Variants in APBA2 observed in about 807,000 individuals in gnomAD.
APBA2 encodes amyloid-beta A4 precursor protein-binding family A member 2.
In APBA2, 30 loss-of-function variants were observed where a neutral mutation model predicts 75.0. That is an observed-to-expected ratio of 0.40 (90% CI 0.30 to 0.54). The LOEUF (loss-of-function observed/expected upper bound fraction) is 0.54, where lower values mean the gene tolerates loss of function less well. Among genes scored for constraint, APBA2 ranks in the 20% least tolerant of loss-of-function variants. The pLI, the probability that APBA2 is intolerant of heterozygous loss-of-function variation, is 0.49. For missense variants in APBA2, 801 were observed against 1,016.1 expected, an observed-to-expected ratio of 0.79 and a Z score of 2.88; for synonymous variants, 444 against 409.6, an observed-to-expected ratio of 1.08 and a Z score of -1.01.
chr15:29,115,863 G>A (rs1434404346), intron 14 of APBA2, among the ~76,000 whole-genome samples: 1 of 152,156 alleles, frequency 6.6e-6, no homozygotes, highest in East Asian at 1.9e-4. Context: ...GGGCTGCTCA[G>A]CCCAGGGCCC....
At chr15:29,104,399 G>A (rs1286238434) in intron 10 of APBA2, among the ~76,000 whole-genome samples, 2 of 152,348 alleles carry the variant, frequency 1.3e-5, no homozygotes, top group South Asian at 4.1e-4. Context: ...CTGCCAGCCT[G>A]CTTGGCGAGC....
intron 9 of APBA2, among the ~76,000 whole-genome samples, chr15:29,100,642 G>A: frequency 6.6e-6 from 1 of 152,230 alleles, no homozygotes; most frequent in East Asian, 1.9e-4. Flanking sequence ...CCCAGGCCCA[G>A]GCTGTTTGGG....
chr15:28,926,777 C>T (rs2034283422), intron 2 of APBA2, among the ~76,000 whole-genome samples: 1 of 151,102 alleles, frequency 6.6e-6, no homozygotes, highest in East Asian at 2.0e-4. Context: ...TTGAAGGATA[C>T]TTTTTCTGAA....
At chr15:28,987,722 GGAGAGA>G (rs145875513) in intron 2 of APBA2, among the ~76,000 whole-genome samples, 1 of 128,322 alleles carries the variant, frequency 7.8e-6, no homozygotes, top group East Asian at 2.8e-4. Context: ...AAGAATATGT[GGAGAGA>G]GATATATATA....
At chr15:29,021,421 G>A (rs991538307) in intron 3 of APBA2, among the ~76,000 whole-genome samples, 1 of 152,036 alleles carries the variant, frequency 6.6e-6, no homozygotes, top group African/African-American at 2.4e-5. Context: ...CCAGCTACTC[G>A]GGAGGCTGAG....
chr15:28,916,489 C>T (rs2033697065), intron 1 of APBA2, among the ~76,000 whole-genome samples: 2 of 152,162 alleles, frequency 1.3e-5, no homozygotes, highest in Non-Finnish European at 2.9e-5. Flanking sequence ...ATGTCCAGGC[C>T]CCCTCTGCTC....
At chr15:28,962,547 G>A (rs1036794624) in intron 2 of APBA2, among the ~76,000 whole-genome samples, 13 of 151,120 alleles carry the variant, frequency 8.6e-5, no homozygotes, top group East Asian at 5.8e-4. Flanking sequence ...CCAGCCTGGC[G>A]ACAGTGAGAC....
chr15:29,108,544 C>T, intron 13 of APBA2, 155 bp downstream of exon 13: 1 of 1,169,696 alleles, frequency 8.5e-7, no homozygotes, highest in East Asian at 2.5e-5. Flanking sequence ...GGGGCAGGAA[C>T]TTTCCATGGC....
At chr15:29,078,640 A>C (rs368169031) in intron 6 of APBA2, among the ~76,000 whole-genome samples, 4 of 151,714 alleles carry the variant, frequency 2.6e-5, no homozygotes, top group African/African-American at 9.7e-5. Flanking sequence ...CAAAAAACAA[A>C]AAAAAAAAGT....
intron 3 of APBA2, among the ~76,000 whole-genome samples, chr15:29,035,826 G>C (rs894812031): frequency 6.6e-6 from 1 of 152,206 alleles, no homozygotes; most frequent in Non-Finnish European, 1.5e-5. Flanking sequence ...AGCCCCGCAG[G>C]TGGCTCTGCT....
chr15:28,979,792 ACCTCTGGGT>A (rs1361694022), intron 2 of APBA2, among the ~76,000 whole-genome samples: 10 of 152,038 alleles, frequency 6.6e-5, no homozygotes, highest in Non-Finnish European at 1.5e-4. Flanking sequence ...CAGGTCACTT[ACCTCTGGGT>A]CCTCATGCTC....
intron 4 of APBA2, among the ~76,000 whole-genome samples, chr15:29,058,761 A>C (rs1566958155): frequency 1.3e-5 from 2 of 152,252 alleles, no homozygotes; most frequent in Non-Finnish European, 2.9e-5. Context: ...CTACACTTGA[A>C]TTATTTTAGT....
intron 2 of APBA2, among the ~76,000 whole-genome samples, chr15:28,964,180 A>G (rs916694446): frequency 5.9e-5 from 9 of 152,226 alleles, no homozygotes; most frequent in Non-Finnish European, 7.3e-5. Flanking sequence ...TCAATTATCT[A>G]CAATTGCTGG....
At chr15:29,032,460 C>A (rs1430455031) in intron 3 of APBA2, among the ~76,000 whole-genome samples, 2 of 152,232 alleles carry the variant, frequency 1.3e-5, no homozygotes, top group Non-Finnish European at 2.9e-5. Context: ...AGCCTGCCGG[C>A]CTGCCCTGCA....
intron 1 of APBA2, among the ~76,000 whole-genome samples, chr15:28,907,137 A>G (rs2033171632): frequency 1.3e-5 from 2 of 152,154 alleles, no homozygotes; most frequent in African/African-American, 2.4e-5. Flanking sequence ...CTACATTTAC[A>G]TCTCTTATTC....
chr15:28,906,742 G>A (rs1426494096), intron 1 of APBA2, among the ~76,000 whole-genome samples: 1 of 152,192 alleles, frequency 6.6e-6, no homozygotes, highest in Non-Finnish European at 1.5e-5. Flanking sequence ...TGTAAAAATT[G>A]TGAATGACAA....
chr15:28,972,624 G>T (rs1002447814), intron 2 of APBA2, among the ~76,000 whole-genome samples: 3 of 152,360 alleles, frequency 2.0e-5, no homozygotes, highest in African/African-American at 4.8e-5. Flanking sequence ...TTTATGCCCA[G>T]CCAATGGTTC....
At chr15:28,962,483 C>T (rs1364677025) in intron 2 of APBA2, among the ~76,000 whole-genome samples, 2 of 152,066 alleles carry the variant, frequency 1.3e-5, no homozygotes, top group Non-Finnish European at 1.5e-5. Context: ...GCAGGGGAAT[C>T]GCTTGAACCC....
intron 2 of APBA2, among the ~76,000 whole-genome samples, chr15:28,939,919 C>T (rs144574711): frequency 4.6e-5 from 7 of 152,294 alleles, no homozygotes; most frequent in African/African-American, 9.6e-5. Context: ...TGTGGAACCA[C>T]GATCCACGGA....
Sources: allele counts gnomAD v4.1 joint callset (sites outside exome capture counted in the v4.1 genomes callset), GRCh38; gene constraint gnomAD v4.1.1; transcripts MANE v1.5; gene names NCBI Gene and HGNC (gene_info 2026-07-23, HGNC 2026-07-21).